Variants in DPP6 observed in about 807,000 individuals in gnomAD.
DPP6 encodes the protein dipeptidyl peptidase like 6.
DPP6 carries 69 observed loss-of-function variants against 122.6 expected under a neutral mutation model. The observed-to-expected ratio is 0.56, with a 90% CI of 0.46 to 0.69. The LOEUF (loss-of-function observed/expected upper bound fraction) is 0.69, where lower values mean the gene tolerates loss of function less well. Ranked by LOEUF, DPP6 falls within the 30% of genes least tolerant of loss-of-function variation. The pLI is 0.00. For synonymous variants in DPP6, 418 were observed against 433.1 expected (o/e 0.97, Z 0.43); for missense variants, 928 against 1,116.9 (o/e 0.83, Z 2.41).
chr7:153,961,060 C>A (rs1273786585), intron 1 of DPP6, among the ~76,000 whole-genome samples: 1 of 148,808 alleles, frequency 6.7e-6, no homozygotes, highest in African/African-American at 2.5e-5. Flanking sequence ...CTAACACCTT[C>A]TTTTATGATT....
rs1047147418 is a variant in DPP6, at chr7:154,326,775, A to G, written c.244-119439A>G. On this transcript the variant is annotated intron_variant, in intron 1 of 25. Transcript: ENST00000377770. Reference sequence around the variant, plus strand: ...AGAGCTAGCTGTTCAATGCTAATTCATATCCTTTCTTAAGGTATATGGCAA... The same window carrying G: ...AGAGCTAGCTGTTCAATGCTAATTCGTATCCTTTCTTAAGGTATATGGCAA... 3.3e-5 allele frequency among the ~76,000 whole-genome samples: 5 copies of G among 152,348 alleles called. No homozygotes were observed. In the South Asian group the frequency reaches 1.0e-3, roughly 32 times the overall value.
At chr7:154,090,479 G>A (rs1283736669) in intron 1 of DPP6, among the ~76,000 whole-genome samples, 1 of 152,174 alleles carries the variant, frequency 6.6e-6, no homozygotes, top group East Asian at 1.9e-4. Flanking sequence ...TCTAGGGTTT[G>A]TATTCCCATC....
chr7:154,242,551 A>C (rs763269079), intron 1 of DPP6, among the ~76,000 whole-genome samples: 2 of 152,238 alleles, frequency 1.3e-5, no homozygotes, highest in African/African-American at 4.8e-5. Context: ...CAAATGTTTT[A>C]AGGCATTAAA....
chr7:154,743,550 TGCCTGCTTTAACA>T (rs1842908543), intron 8 of DPP6, among the ~76,000 whole-genome samples: 1 of 152,232 alleles, frequency 6.6e-6, no homozygotes, highest in Non-Finnish European at 1.5e-5. Flanking sequence ...GCTGCTCAAA[TGCCTGCTTTAACA>T]AAAGTCTGCC....
In DPP6 at chr7:154,401,217, C is replaced by CA. The variant is rs377017340; in HGVS notation, c.244-44987dup. On this transcript the variant is annotated intron_variant, in intron 1 of 25. Transcript: ENST00000377770. ...ATCTCAGAAAAAACAAAAACAAAAACAAAAAAAAAACAGGTATTACTGGCT... is the reference window on the plus strand; with the variant it reads ...ATCTCAGAAAAAACAAAAACAAAAACAAAAAAAAAAACAGGTATTACTGGCT... Among the ~76,000 whole-genome samples, 1,897 of 144,774 alleles carry CA rather than the reference C, an allele frequency of 0.013. 57 individuals carry two copies. The East Asian group carries it at 0.13, about 10-fold the overall frequency. The allele number at this position is 144,774 out of a possible 152,430, so 95.0% of individuals were successfully genotyped here.
At chr7:153,852,644 G>A in the DPP6 span, among the ~76,000 whole-genome samples, 37 of 152,208 alleles carry the variant, frequency 2.4e-4, no homozygotes, top group Admixed American at 1.9e-3. Flanking sequence ...AGATGCACAC[G>A]AAGGACATAC....
At chr7:154,225,033 G>T (rs936799330) in intron 1 of DPP6, among the ~76,000 whole-genome samples, 2 of 152,038 alleles carry the variant, frequency 1.3e-5, no homozygotes, top group Admixed American at 1.3e-4. Flanking sequence ...TTTCAGCTAC[G>T]CAGGAGGCTG....
intron 2 of DPP6, among the ~76,000 whole-genome samples, chr7:154,447,150 A>T (rs577777439): frequency 3.3e-5 from 5 of 152,290 alleles, no homozygotes; most frequent in East Asian, 1.9e-4. Flanking sequence ...TACTAAAAAT[A>T]CAAAAATTAG....
At chr7:154,843,055 G>A (rs1285609211) in intron 16 of DPP6, among the ~76,000 whole-genome samples, 1 of 152,224 alleles carries the variant, frequency 6.6e-6, no homozygotes, top group Admixed American at 6.5e-5. Context: ...CAAATGCATA[G>A]AGAATCAGAT....
At chr7:154,827,796 G>A (rs1443092796) in intron 16 of DPP6, among the ~76,000 whole-genome samples, 1 of 150,594 alleles carries the variant, frequency 6.6e-6, no homozygotes, top group African/African-American at 2.4e-5. Context: ...GTCCTGTGGG[G>A]GGGTGTCAGA....
At chr7:154,834,412 G>C in intron 16 of DPP6, among the ~76,000 whole-genome samples, 1 of 152,102 alleles carries the variant, frequency 6.6e-6, no homozygotes, top group East Asian at 1.9e-4. Flanking sequence ...GGAGGCGGAG[G>C]TTGCAGTGAG....
intron 4 of DPP6, among the ~76,000 whole-genome samples, chr7:154,565,633 C>G (rs1043794317): frequency 6.6e-6 from 1 of 152,120 alleles, no homozygotes; most frequent in African/African-American, 2.4e-5. Flanking sequence ...TCAAGTGATT[C>G]TCCTGCCTCA....
intron 9 of DPP6, among the ~76,000 whole-genome samples, chr7:154,771,717 T>A (rs558187743): frequency 6.6e-6 from 1 of 152,226 alleles, no homozygotes. Context: ...CCTTTTCCAA[T>A]TCTGAGAGCA....
chr7:154,267,064 C>A (rs1803468228), intron 1 of DPP6, among the ~76,000 whole-genome samples: 1 of 151,872 alleles, frequency 6.6e-6, no homozygotes, highest in South Asian at 2.1e-4. Context: ...TATATTGCAA[C>A]AAATTGAAAG....
At chr7:154,776,199 T>TGATAGATAGATAGATA (rs5888595) in intron 10 of DPP6, among the ~76,000 whole-genome samples, 18,045 of 148,454 alleles carry the variant, frequency 0.12, 1,157 homozygotes, top group African/African-American at 0.14. Context: ...CCATGATAGA[T>TGATAGATAGATAGATA]GATAGATAGA....
intron 1 of DPP6, among the ~76,000 whole-genome samples, chr7:154,060,551 A>C (rs1387936219): frequency 1.6e-5 from 2 of 128,660 alleles, no homozygotes; most frequent in African/African-American, 3.2e-5. Context: ...AGAAAGTTCA[A>C]ATCTTCCGAC....
intron 1 of DPP6, among the ~76,000 whole-genome samples, chr7:154,433,618 A>G (rs1379064289): frequency 2.0e-5 from 3 of 152,168 alleles, no homozygotes; most frequent in Admixed American, 6.5e-5. Flanking sequence ...TTGTACCATC[A>G]TTTTGAGAAA....
At chr7:154,256,151 A>T (rs909310303) in intron 1 of DPP6, among the ~76,000 whole-genome samples, 3 of 152,376 alleles carry the variant, frequency 2.0e-5, no homozygotes, top group Middle Eastern at 6.8e-3. Context: ...AAGTCTGACT[A>T]TAAGAGGAGA....
At chr7:153,979,388 T>C (rs913378405) in intron 1 of DPP6, among the ~76,000 whole-genome samples, 9 of 152,396 alleles carry the variant, frequency 5.9e-5, no homozygotes, top group African/African-American at 2.2e-4. Context: ...TTTTTGCACA[T>C]TGATTTTTGT....
Sources: allele counts gnomAD v4.1 joint callset (sites outside exome capture counted in the v4.1 genomes callset), GRCh38; gene constraint gnomAD v4.1.1; transcripts MANE v1.5; gene names NCBI Gene and HGNC (gene_info 2026-07-23, HGNC 2026-07-21).